FAM184B: variants seen among roughly 807,000 people sequenced by gnomAD.
FAM184B encodes protein FAM184B.
In FAM184B, 111 loss-of-function variants were observed where a neutral mutation model predicts 135.9. The observed-to-expected ratio is 0.82, with a 90% CI of 0.70 to 0.96. FAM184B has a LOEUF of 0.96. Among genes scored for constraint, FAM184B ranks in the 40% least tolerant of loss-of-function variants. FAM184B has a pLI of 0.00. For missense variants in FAM184B, 1,375 were observed against 1,323.9 expected (o/e 1.04, Z -0.60); for synonymous variants, 552 against 524.8 (o/e 1.05, Z -0.71).
At chr4:17,664,509 C>T (rs1715998411) in intron 8 of FAM184B, 53 bp downstream of exon 8, 1 of 1,320,562 alleles carries the variant, frequency 7.6e-7, no homozygotes, top group Non-Finnish European at 1.1e-6. Context: ...AATCCTTCCA[C>T]ATCTGAGTCC....
intron 1 of FAM184B, among the ~76,000 whole-genome samples, chr4:17,722,735 G>A (rs539644947): frequency 6.6e-6 from 1 of 152,144 alleles, no homozygotes; most frequent in Non-Finnish European, 1.5e-5. Context: ...ATAAGATGGG[G>A]GTCTGGAAAG....
intron 7 of FAM184B, among the ~76,000 whole-genome samples, chr4:17,678,449 A>C (rs1716364174): frequency 6.6e-6 from 1 of 151,966 alleles, no homozygotes; most frequent in African/African-American, 2.4e-5. Context: ...AACAAAAAAA[A>C]CCTTAGGAAT....
At chr4:17,652,613 C>T (rs1400922447) in intron 11 of FAM184B, among the ~76,000 whole-genome samples, 3 of 150,994 alleles carry the variant, frequency 2.0e-5, no homozygotes, top group South Asian at 4.2e-4. Flanking sequence ...CCTGTGAGCC[C>T]GAGACCCCTG....
chr4:17,656,912 T>C (rs956922478), intron 10 of FAM184B, among the ~76,000 whole-genome samples: 2 of 152,186 alleles, frequency 1.3e-5, no homozygotes, highest in Non-Finnish European at 1.5e-5. Flanking sequence ...TCCAGTCTAC[T>C]GTATCTTGAT....
intron 1 of FAM184B, among the ~76,000 whole-genome samples, chr4:17,711,919 T>C (rs11734719): frequency 0.3 from 46,271 of 152,018 alleles, 7,703 homozygotes; most frequent in Non-Finnish European, 0.38. Flanking sequence ...AACAGTGAGC[T>C]GAGTTGGAGG....
At position 17,709,173 on chromosome 4, in the gene FAM184B, C is replaced by A. The variant is rs181491410; in HGVS notation, c.613G>T (p.Val205Leu). The A allele has an allele frequency of 6.5e-7, 1 of 1,548,248 alleles. No homozygotes were observed. The highest frequency in any genetic ancestry group is 8.7e-7 in the Non-Finnish European group (1 of 1,146,930). Reference sequence around the variant, plus strand: ...TCCTTGCTCAGCTGCTGGTTCTCCACTCGCAGCCGCTGCACCTCTAGCAGG... The same window carrying A: ...TCCTTGCTCAGCTGCTGGTTCTCCAATCGCAGCCGCTGCACCTCTAGCAGG... Reference protein sequence around the residue: ...EVLLEVQRLRVENQQLSKDYA... With the variant: ...EVLLEVQRLRLENQQLSKDYA... Residue 205 changes from valine (V) to leucine (L), a missense_variant, in exon 2 of 18, where the codon GTG becomes TTG. Val to Leu is a conservative substitution (Grantham distance 32). Coordinates refer to ENST00000265018, the MANE Select transcript of FAM184B (RefSeq NM_015688.2).
chr4:17,684,143 A>C (rs1045987015), intron 7 of FAM184B, among the ~76,000 whole-genome samples: 3 of 146,172 alleles, frequency 2.1e-5, no homozygotes, highest in Non-Finnish European at 4.5e-5. Flanking sequence ...TTATATATAA[A>C]ATAATTATAT....
At chr4:17,688,332 C>T (rs1367630712) in intron 7 of FAM184B, 92 bp downstream of exon 7, 8 of 889,010 alleles carry the variant, frequency 9.0e-6, no homozygotes, top group Non-Finnish European at 1.2e-5. Context: ...TAAAAGAGCC[C>T]ATTAACATCA....
At chr4:17,634,621 G>A (rs543449693) in intron 16 of FAM184B, among the ~76,000 whole-genome samples, 1 of 152,288 alleles carries the variant, frequency 6.6e-6, no homozygotes, top group East Asian at 1.9e-4. Context: ...ATTGCACCCA[G>A]CCAAAAATAC....
chr4:17,661,381 T>C (rs1267571248), intron 8 of FAM184B, among the ~76,000 whole-genome samples: 1 of 151,936 alleles, frequency 6.6e-6, no homozygotes. Flanking sequence ...TGAAACCCCG[T>C]CTCTACTAAA....
At chr4:17,649,693 A>G (rs1339861002) in intron 11 of FAM184B, among the ~76,000 whole-genome samples, 1 of 151,944 alleles carries the variant, frequency 6.6e-6, no homozygotes, top group East Asian at 1.9e-4. Context: ...CCATTTTTTG[A>G]AAACTGTTAT....
chr4:17,774,807 T>A (rs1718889561), intron 1 of FAM184B, among the ~76,000 whole-genome samples: 1 of 152,174 alleles, frequency 6.6e-6, no homozygotes, highest in South Asian at 2.1e-4. Context: ...ACAAAGAACA[T>A]CCACATACTC....
chr4:17,671,974 G>A (rs1716178264), intron 7 of FAM184B, among the ~76,000 whole-genome samples: 1 of 151,674 alleles, frequency 6.6e-6, no homozygotes. Context: ...AAGAGAGAAA[G>A]GACAAGAAGG....
intron 7 of FAM184B, among the ~76,000 whole-genome samples, chr4:17,666,469 C>CTTTTTTTTTTTT (rs386399397): frequency 3.8e-4 from 22 of 57,152 alleles, no homozygotes; most frequent in East Asian, 6.5e-4. Flanking sequence ...GTGCCTGGTT[C>CTTTTTTTTTTTT]TTTTTTTTTT....
Position 17,664,678 on chromosome 4 carries a change from A to AAT in FAM184B, c.1597-20_1597-19insAT. 6.7e-6 allele frequency: 10 copies of AAT among 1,498,844 alleles called. No individual in the cohort carries two copies. The highest frequency in any genetic ancestry group is 8.9e-6 in the Non-Finnish European group (10 of 1,119,874). The allele number at this position is 1,498,844 out of a possible 1,614,324, so 92.8% of individuals were successfully genotyped here. A position where few individuals can be genotyped will look rare whatever the true frequency, so the allele number is the denominator to read the frequency against. On this transcript the variant is annotated intron_variant, in intron 7 of 17. Coordinates refer to ENST00000265018, the MANE Select transcript of FAM184B (RefSeq NM_015688.2). ...ATGGATCCTAAGGCCAAAAAAGAAA[A>AAT]AGAAAAAAAAAAAAAAGGCAAGATG... is the stretch of plus-strand genomic sequence containing the variant.
chr4:17,669,784 G>A (rs1716129086), intron 7 of FAM184B, among the ~76,000 whole-genome samples: 1 of 152,146 alleles, frequency 6.6e-6, no homozygotes, highest in Non-Finnish European at 1.5e-5. Context: ...GAAACTGATG[G>A]ATTAAGCAGA....
chr4:17,775,568 C>T (rs185339071), intron 1 of FAM184B, among the ~76,000 whole-genome samples: 211 of 152,324 alleles, frequency 1.4e-3, no homozygotes, highest in African/African-American at 4.8e-3. Flanking sequence ...ATCTTCTTTA[C>T]CCAACATTTG....
intron 3 of FAM184B, among the ~76,000 whole-genome samples, chr4:17,707,273 T>G (rs1015910816): frequency 2.6e-5 from 4 of 152,090 alleles, no homozygotes; most frequent in African/African-American, 9.7e-5. Flanking sequence ...ACAAAATTAT[T>G]GGAAAGACTC....
chr4:17,780,424 G>A (rs1182251955), intron 1 of FAM184B, among the ~76,000 whole-genome samples: 3 of 152,174 alleles, frequency 2.0e-5, no homozygotes, highest in Non-Finnish European at 4.4e-5. Flanking sequence ...GGCACAGAGG[G>A]GAGTCTGTGA....
Sources: allele counts gnomAD v4.1 joint callset (sites outside exome capture counted in the v4.1 genomes callset), GRCh38; gene constraint gnomAD v4.1.1; transcripts MANE v1.5; gene names NCBI Gene and HGNC (gene_info 2026-07-23, HGNC 2026-07-21).